The following CACNA1S variants were observed in gnomAD, a reference collection of about 807,000 sequenced individuals.
CACNA1S encodes the protein calcium voltage-gated channel subunit alpha1 S.
Under a neutral mutation model 207.4 loss-of-function variants are expected in CACNA1S, and 126 were observed. The observed-to-expected ratio is 0.61, with a 90% confidence interval of 0.53 to 0.70. The LOEUF (loss-of-function observed/expected upper bound fraction) is 0.70, where lower values mean the gene tolerates loss of function less well. Ranked by LOEUF, CACNA1S falls within the 30% of genes least tolerant of loss-of-function variation. CACNA1S has a pLI of 0.00. For missense variants in CACNA1S, 2,349 were observed against 2,422.8 expected, an observed-to-expected ratio of 0.97 and a Z score of 0.64; for synonymous variants, 960 against 932.7, an observed-to-expected ratio of 1.03 and a Z score of -0.53.
At chr1:201,089,890 C>T (rs1027366606) in intron 5 of CACNA1S, among the ~76,000 whole-genome samples, 1 of 152,226 alleles carries the variant, frequency 6.6e-6, no homozygotes, top group Non-Finnish European at 1.5e-5. Context: ...GCTCCAAAAG[C>T]ACTGGGCTGA....
At chr1:201,052,480 G>T in intron 32 of CACNA1S, 77 bp downstream of exon 32, 2 of 1,149,998 alleles carry the variant, frequency 1.7e-6, no homozygotes, top group South Asian at 1.2e-5. Context: ...GCCAGCCCTG[G>T]CTCCAGTGCA....
At chr1:201,085,066 G>C in intron 8 of CACNA1S, 35 bp from the exon 9 acceptor site, 1 of 1,530,008 alleles carries the variant, frequency 6.5e-7, no homozygotes, top group Non-Finnish European at 9.0e-7. Context: ...GCCAGCCTTC[G>C]GGGCCCCTCT....
Position 201,089,269 on chromosome 1 carries a change from C to G in CACNA1S, c.889G>C (p.Val297Leu), listed in dbSNP as rs138205421. 1.9e-6 allele frequency: 3 copies of G among 1,614,188 alleles called. No individual in the cohort carries two copies. Among genetic ancestry groups the G allele is most frequent in the Non-Finnish European group, 2.5e-6 (3 of 1,179,992 alleles). ...GGGCCCAGACCCACCCAGTAAAGGA[C>G]GTCAGTCCATCCCTCCATGGTAATG... ...QCITMEGWTDVLYWVNDAIGN... is the reference protein window; with the variant it reads ...QCITMEGWTDLLYWVNDAIGN... The change falls in exon 6 of 44, where the codon GTC becomes CTC. Residue 297 changes from valine (V) to leucine (L), a missense_variant. Val to Leu is a conservative substitution (Grantham distance 32). Transcript: ENST00000362061.
chr1:201,063,796 G>T (rs956306737), intron 22 of CACNA1S, among the ~76,000 whole-genome samples: 3 of 152,350 alleles, frequency 2.0e-5, no homozygotes, highest in Non-Finnish European at 4.4e-5. Context: ...GGAGCAGAAG[G>T]TGAAGGTGAG....
rs1660561522 is a variant in CACNA1S at position 201,048,928 on chromosome 1, G to T, written c.4338+75C>A. 6.7e-6 allele frequency: 8 copies of T among 1,186,422 alleles called. No individual in the cohort carries two copies. In the South Asian group the frequency reaches 1.0e-4, roughly 15 times the overall value. The allele number at this position is 1,186,422 out of a possible 1,614,324, so 73.5% of individuals were successfully genotyped here. On this transcript the variant is annotated intron_variant, in intron 35 of 43. Coordinates refer to ENST00000362061, the MANE Select transcript of CACNA1S (RefSeq NM_000069.3). ...GCTCTACAATGCTTCACTCCATCAG[G>T]TCCTCACCAGTTTCCCTCTGCCTCA...
Position 201,066,584 on chromosome 1 carries a change from C to G in CACNA1S, c.2658-268G>C, listed in dbSNP as rs1291792015. Among the ~76,000 whole-genome samples, 6 of 152,186 alleles carry G rather than the reference C, an allele frequency of 3.9e-5. No individual in the cohort carries two copies. The highest frequency in any genetic ancestry group is 2.0e-4 in the Admixed American group (3 of 15,290). ...TGGGTGGCTAGAAGCTCCGTCCCTC[C>G]CGTCAGACGGTGAGCACCCCAAAGG... On this transcript the variant is annotated intron_variant, in intron 20 of 43. Transcript: ENST00000362061. The surrounding 1 kb of genome is among the most constrained non-coding windows in gnomAD (Gnocchi z 4.3).
intron 3 of CACNA1S, 90 bp downstream of exon 3, chr1:201,093,792 C>G: frequency 3.3e-6 from 5 of 1,514,828 alleles, no homozygotes; most frequent in Non-Finnish European, 4.6e-6. Flanking sequence ...TGGAGTCCCA[C>G]CCCACCTCTA....
intron 28 of CACNA1S, among the ~76,000 whole-genome samples, chr1:201,056,224 C>G (rs751986559): frequency 6.6e-6 from 1 of 152,206 alleles, no homozygotes; most frequent in African/African-American, 2.4e-5. Flanking sequence ...GGGTTCCCAC[C>G]CTGGCCCTCC....
intron 10 of CACNA1S, among the ~76,000 whole-genome samples, chr1:201,078,671 C>T (rs1007318752): frequency 6.6e-6 from 1 of 152,142 alleles, no homozygotes; most frequent in African/African-American, 2.4e-5. Context: ...ACACCTCCCT[C>T]CTGGTAGAGA....
chr1:201,055,659 G>A (rs925745464), intron 28 of CACNA1S, among the ~76,000 whole-genome samples: 7 of 152,128 alleles, frequency 4.6e-5, no homozygotes, highest in Non-Finnish European at 1.0e-4. Flanking sequence ...CTATTGGACA[G>A]GGCAGACCAT....
At chr1:201,050,922 G>C (rs1382217951) in intron 33 of CACNA1S, 62 bp downstream of exon 33, 2 of 1,555,360 alleles carry the variant, frequency 1.3e-6, no homozygotes, top group Non-Finnish European at 8.9e-7. Flanking sequence ...GGGCAGGCAG[G>C]CTCCCCCATG....
intron 26 of CACNA1S, among the ~76,000 whole-genome samples, chr1:201,060,084 A>G (rs192137475): frequency 2.0e-5 from 3 of 152,250 alleles, no homozygotes; most frequent in African/African-American, 7.2e-5. Context: ...TTGTCTTTCC[A>G]TATCACCATG....
chr1:201,084,568 C>T (rs894096546), intron 9 of CACNA1S, among the ~76,000 whole-genome samples: 1 of 152,174 alleles, frequency 6.6e-6, no homozygotes, highest in Non-Finnish European at 1.5e-5. Flanking sequence ...GAGGGGCTCC[C>T]GGTTTGTGCA....
intron 10 of CACNA1S, among the ~76,000 whole-genome samples, chr1:201,082,249 G>C (rs543784803): frequency 6.6e-6 from 1 of 152,088 alleles, no homozygotes; most frequent in South Asian, 2.1e-4. Flanking sequence ...GGATGGTCTC[G>C]ATCTCTTGAC....
Position 201,053,611 on chromosome 1 carries a change from T to G in CACNA1S, c.3667-24A>C, listed in dbSNP as rs1660736092. 6.3e-7 allele frequency: 1 copy of G among 1,587,898 alleles called. No individual in the cohort carries two copies. The highest frequency in any genetic ancestry group is 1.4e-5 in the African/African-American group (1 of 73,042). On this transcript the variant is annotated intron_variant, in intron 29 of 43. Transcript: ENST00000362061. This position sits in a 1 kb window ranked among gnomAD's most constrained non-coding sequence, Gnocchi z 5.1. ...TCCTGCGGGGCAGCAGCCCCAGAGG[T>G]CAGTCTGGGGGCAGAACCTCAGAGG... is the stretch of plus-strand genomic sequence containing the variant.
rs2102144398 is a variant in CACNA1S, at chr1:201,078,076, G to A, written c.1422C>T (p.Leu474=). 6.2e-7 allele frequency: 1 copy of A among 1,614,212 alleles called. No homozygotes were observed. Among genetic ancestry groups the A allele is most frequent in the Non-Finnish European group, 8.5e-7 (1 of 1,180,028 alleles). The change falls in exon 11 of 44, where the codon CTC becomes CTT. Residue 474 remains leucine (L), a synonymous_variant. Coordinates refer to ENST00000362061, the MANE Select transcript of CACNA1S (RefSeq NM_000069.3). The part of the protein sequence containing the change: ...QDIANRVLLS[L]FTTEMLMKMY... ...TCTTCATCAGCATCTCAGTGGTGAA[G>A]AGGGACAGCAGCACCCGGTTGGCAA...
rs1572024632 is a variant in CACNA1S at position 201,049,065 on chromosome 1, G to A, written c.4276C>T (p.Leu1426=). ...CCCAGAGGGGGCTGAATCCTTCTCAGCAGGGTCACCACGTCCAGGTGTTTG... is the reference window on the plus strand; with the variant it reads ...CCCAGAGGGGGCTGAATCCTTCTCAACAGGGTCACCACGTCCAGGTGTTTG... ...RIKHLDVVTL[L]RRIQPPLGFG... Residue 1426 remains leucine, a synonymous_variant, in exon 35 of 44, where the codon CTG becomes TTG. Transcript: ENST00000362061. 8 of 1,613,702 alleles carry A rather than the reference G, an allele frequency of 5.0e-6. No individual in the cohort carries two copies. The highest frequency in any genetic ancestry group is 6.8e-6 in the Non-Finnish European group (8 of 1,179,868).
chr1:201,059,300 C>G lies in CACNA1S; in HGVS notation c.3415-1G>C. 6.2e-7 allele frequency: 1 copy of G among 1,606,766 alleles called. No homozygotes were observed. The highest frequency in any genetic ancestry group is 1.1e-5 in the South Asian group (1 of 90,870). Reference sequence around the variant, plus strand: ...TCATCTGCTCCGACTGGTTGTAGTGCTGTGGAGGGGACACAGGAGCAGTGG... The same window carrying G: ...TCATCTGCTCCGACTGGTTGTAGTGGTGTGGAGGGGACACAGGAGCAGTGG... On this transcript the variant is annotated splice_acceptor_variant, in intron 26 of 43. Coordinates refer to ENST00000362061, the MANE Select transcript of CACNA1S (RefSeq NM_000069.3). LOFTEE classifies it high-confidence loss of function.
At chr1:201,048,296 G>T (rs1379439594) in intron 36 of CACNA1S, among the ~76,000 whole-genome samples, 1 of 152,210 alleles carries the variant, frequency 6.6e-6, no homozygotes, top group Non-Finnish European at 1.5e-5. Flanking sequence ...CAGCCAAACT[G>T]CAGGGCACCC....
Sources: gnomAD v4.1 joint callset for allele counts (sites outside exome capture counted in the v4.1 genomes callset) on GRCh38, gnomAD v4.1.1 for gene constraint, Gnocchi (gnomAD v3.1) non-coding constraint, MANE v1.5 for transcripts, NCBI Gene and HGNC (gene_info 2026-07-23, HGNC 2026-07-21) for gene names.